CRB1: variants seen among roughly 807,000 people sequenced by gnomAD.
CRB1 encodes crumbs cell polarity complex component 1, also known as protein crumbs homolog 1.
In CRB1, 83 loss-of-function variants were observed where a neutral mutation model predicts 120.0. The ratio of observed to expected loss-of-function variants is 0.69; its 90% CI spans 0.58 to 0.83. CRB1 has a LOEUF of 0.83. Ranked by LOEUF, CRB1 falls within the 40% of genes least tolerant of loss-of-function variation. The pLI, the probability that CRB1 is intolerant of heterozygous loss-of-function variation, is 0.00. For synonymous variants in CRB1, 625 were observed against 612.5 expected, an observed-to-expected ratio of 1.02 and a Z score of -0.30; for missense variants, 1,699 against 1,687.6, an observed-to-expected ratio of 1.01 and a Z score of -0.12.
chr1:197,405,232 C>T (rs1017484006), intron 5 of CRB1, among the ~76,000 whole-genome samples: 4 of 152,148 alleles, frequency 2.6e-5, no homozygotes, highest in African/African-American at 7.2e-5. Flanking sequence ...CGCGCCGCCA[C>T]GCCTGACTGG....
chr1:197,406,488 T>G (rs1406207141), intron 5 of CRB1, among the ~76,000 whole-genome samples: 1 of 152,318 alleles, frequency 6.6e-6, no homozygotes, highest in South Asian at 2.1e-4. Context: ...CTTTGTTCAC[T>G]TGTTTATCTG....
intron 1 of CRB1, among the ~76,000 whole-genome samples, chr1:197,296,304 A>G (rs921572693): frequency 1.1e-4 from 16 of 152,050 alleles, no homozygotes; most frequent in Non-Finnish European, 1.9e-4. Flanking sequence ...CACTTTCTTC[A>G]TCTATAAGAT....
the CRB1 span, among the ~76,000 whole-genome samples, chr1:197,254,094 C>T: frequency 2.6e-5 from 4 of 151,996 alleles, no homozygotes; most frequent in African/African-American, 9.7e-5. Context: ...TCCTTCTTTA[C>T]GGAGAGGCTA....
chr1:197,313,343 A>AT (rs770762705), intron 1 of CRB1, among the ~76,000 whole-genome samples: 36 of 152,230 alleles, frequency 2.4e-4, no homozygotes, highest in African/African-American at 7.5e-4. Context: ...TGTTGTACAC[A>AT]TTTTTTGGGT....
intron 11 of CRB1, among the ~76,000 whole-genome samples, chr1:197,463,335 G>A (rs779451110): frequency 6.6e-6 from 1 of 151,958 alleles, no homozygotes; most frequent in Non-Finnish European, 1.5e-5. Flanking sequence ...CTACTTTATT[G>A]TAGTTATTCT....
At chr1:197,364,306 C>CT (rs1277918040) in intron 5 of CRB1, among the ~76,000 whole-genome samples, 2 of 152,172 alleles carry the variant, frequency 1.3e-5, no homozygotes, top group Non-Finnish European at 2.9e-5. Context: ...TAACTGCTTT[C>CT]AGTATTTTTT....
chr1:197,376,457 C>CTT (rs557307582), intron 5 of CRB1, among the ~76,000 whole-genome samples: 30 of 152,154 alleles, frequency 2.0e-4, no homozygotes, highest in Non-Finnish European at 3.2e-4. Context: ...GACAAAAACA[C>CTT]TTCTTCCCCA....
the CRB1 span, among the ~76,000 whole-genome samples, chr1:197,233,048 T>C: frequency 6.6e-6 from 1 of 152,058 alleles, no homozygotes; most frequent in South Asian, 2.1e-4. Flanking sequence ...ACTCCCACTT[T>C]GGTTCTTTGG....
At chr1:197,432,225 T>C (rs1571550252) in intron 8 of CRB1, among the ~76,000 whole-genome samples, 1 of 152,116 alleles carries the variant, frequency 6.6e-6, no homozygotes, top group East Asian at 1.9e-4. Context: ...TTATATAGCA[T>C]TATAGACCAT....
chr1:197,335,820 T>G (rs966300278), intron 2 of CRB1, among the ~76,000 whole-genome samples: 1 of 152,164 alleles, frequency 6.6e-6, no homozygotes, highest in Admixed American at 6.6e-5. Flanking sequence ...AACAGTAACT[T>G]TCTCCCCTCC....
At chr1:197,432,570 A>G (rs1664926262) in intron 8 of CRB1, among the ~76,000 whole-genome samples, 1 of 152,110 alleles carries the variant, frequency 6.6e-6, no homozygotes, top group Non-Finnish European at 1.5e-5. Context: ...AATTATGTTT[A>G]CTGAGCACCT....
chr1:197,231,985 TGAG>T, the CRB1 span, among the ~76,000 whole-genome samples: 1 of 152,180 alleles, frequency 6.6e-6, no homozygotes. Context: ...GATTCTGAGA[TGAG>T]GAGATTATCC....
chr1:197,307,581 T>C (rs775757508), intron 1 of CRB1, among the ~76,000 whole-genome samples: 3 of 152,192 alleles, frequency 2.0e-5, no homozygotes, highest in Non-Finnish European at 4.4e-5. Flanking sequence ...ACTAAAATAA[T>C]AGCCACATCC....
At chr1:197,219,542 T>G in the CRB1 span, among the ~76,000 whole-genome samples, 2 of 152,252 alleles carry the variant, frequency 1.3e-5, no homozygotes, top group African/African-American at 4.8e-5. Context: ...ATATAATGAC[T>G]ATTGTTCTTG....
At chr1:197,246,164 G>A in the CRB1 span, among the ~76,000 whole-genome samples, 1 of 152,010 alleles carries the variant, frequency 6.6e-6, no homozygotes, top group South Asian at 2.1e-4. Context: ...CACCCCAGCA[G>A]GAAAGTTAGG....
At chr1:197,226,193 G>A in the CRB1 span, among the ~76,000 whole-genome samples, 1 of 152,224 alleles carries the variant, frequency 6.6e-6, no homozygotes, top group Non-Finnish European at 1.5e-5. Context: ...ACAGGCATGA[G>A]CCACTGCACC....
chr1:197,258,635 C>A, the CRB1 span, among the ~76,000 whole-genome samples: 1 of 152,170 alleles, frequency 6.6e-6, no homozygotes, highest in Non-Finnish European at 1.5e-5. Context: ...CTGGTTATTT[C>A]TCTTAAATCT....
At chr1:197,217,897 G>A in the CRB1 span, among the ~76,000 whole-genome samples, 1 of 152,146 alleles carries the variant, frequency 6.6e-6, no homozygotes, top group African/African-American at 2.4e-5. Context: ...GAAAAACATA[G>A]TACTTGTTGC....
chr1:197,438,926 T>G lies in CRB1; in HGVS notation c.3878+251T>G, dbSNP rs184626456. On this transcript the variant is annotated intron_variant, in intron 10 of 11. Coordinates refer to ENST00000367400, the MANE Select transcript of CRB1 (RefSeq NM_201253.3). ...TTTAAAAAATGTATAATGTGCTATT[T>G]TTCTTTCTTATAAGTACTTCTGAAT... The G allele has an allele frequency of 5.6e-4, 220 of 393,892 alleles. 1 individual carries two copies. The highest frequency in any genetic ancestry group is 4.1e-3 in the Middle Eastern group (5 of 1,228). The allele number at this position is 393,892 out of a possible 1,614,324, so 24.4% of individuals were successfully genotyped here. A position where few individuals can be genotyped will look rare whatever the true frequency, so the allele number is the denominator to read the frequency against.
Sources: gnomAD v4.1 joint callset for allele counts (sites outside exome capture counted in the v4.1 genomes callset) on GRCh38, gnomAD v4.1.1 for gene constraint, MANE v1.5 for transcripts, NCBI Gene and HGNC (gene_info 2026-07-23, HGNC 2026-07-21) for gene names.